MAEA: variants seen among roughly 807,000 people sequenced by gnomAD.
The protein encoded by MAEA is macrophage erythroblast attacher, E3 ubiquitin ligase.
In MAEA, 22 loss-of-function variants were observed where a neutral mutation model predicts 46.2. The ratio of observed to expected loss-of-function variants is 0.48; its 90% CI spans 0.34 to 0.68. The LOEUF is 0.68. Ranked by LOEUF, MAEA falls within the 30% of genes least tolerant of loss-of-function variation. The pLI is 0.01. For synonymous variants in MAEA, 246 were observed against 222.6 expected (o/e 1.11, Z -0.94); for missense variants, 393 against 558.1 (o/e 0.70, Z 2.98).
intron 2 of MAEA, among the ~76,000 whole-genome samples, chr4:1,314,864 C>T (rs1736936280): frequency 6.6e-6 from 1 of 152,208 alleles, no homozygotes; most frequent in Admixed American, 6.5e-5. Flanking sequence ...GTCCAGTAGT[C>T]AGTCGCCGTG....
intron 1 of MAEA, among the ~76,000 whole-genome samples, chr4:1,300,191 C>G (rs1735175492): frequency 2.0e-5 from 3 of 152,186 alleles, no homozygotes; most frequent in Admixed American, 2.0e-4. Context: ...GCATCCTTAG[C>G]AGGCAGCCTG....
Position 1,332,782 on chromosome 4 carries a change from G to C in MAEA, c.682G>C (p.Ala228Pro). Reference protein sequence around the residue: ...VRHARKHFSQAEGSQLDEVRQ... With the variant: ...VRHARKHFSQPEGSQLDEVRQ... Reference sequence around the variant, plus strand: ...ACATGCAAGAAAGCACTTCAGCCAAGCAGAAGGGAGCCAGCTGGACGAGGT... The same window carrying C: ...ACATGCAAGAAAGCACTTCAGCCAACCAGAAGGGAGCCAGCTGGACGAGGT... Residue 228 changes from alanine (A) to proline (P), a missense_variant, in exon 6 of 9, where the codon GCA (alanine) becomes CCA (proline). Physicochemically the swap from Ala to Pro is conservative, Grantham distance 27. Coordinates refer to ENST00000303400, the MANE Select transcript of MAEA (RefSeq NM_001017405.3). The C allele has an allele frequency of 6.2e-7, 1 of 1,613,152 alleles. No individual in the cohort carries two copies. Among genetic ancestry groups the C allele is most frequent in the Non-Finnish European group, 8.5e-7 (1 of 1,179,636 alleles).
In MAEA at chr4:1,339,362, T is replaced by C. The variant is rs1420134147; in HGVS notation, c.*193T>C. 1.7e-6 allele frequency: 1 copy of C among 580,392 alleles called. No homozygotes were observed. Among genetic ancestry groups the C allele is most frequent in the Non-Finnish European group, 3.1e-6 (1 of 327,140 alleles). 36.0% of individuals were successfully genotyped at this position (580,392 alleles called of 1,614,324 possible). A position where few individuals can be genotyped will look rare whatever the true frequency, so the allele number is the denominator to read the frequency against. Reference sequence around the variant, plus strand: ...AAGTTTGTACTTGAAAACATTTGGATTGGTAGGATTTTGTAACACGTCAAC... The same window carrying C: ...AAGTTTGTACTTGAAAACATTTGGACTGGTAGGATTTTGTAACACGTCAAC... On this transcript the variant is annotated 3_prime_UTR_variant, in exon 9 of 9. Coordinates refer to ENST00000303400, the MANE Select transcript of MAEA (RefSeq NM_001017405.3).
intron 5 of MAEA, chr4:1,329,218 G>A (rs967572358): frequency 1.0e-5 from 10 of 985,504 alleles, no homozygotes; most frequent in Non-Finnish European, 9.6e-6. Context: ...CTCCGCATAG[G>A]GTCTATTTGC....
chr4:1,329,536 G>T, intron 5 of MAEA: 1 of 985,182 alleles, frequency 1.0e-6, no homozygotes, highest in Non-Finnish European at 1.2e-6. Context: ...GGGCAGGCAT[G>T]GCAAACAACA....
chr4:1,312,565 GACT>G (rs1471292721), intron 2 of MAEA: 1 of 182,374 alleles, frequency 5.5e-6, no homozygotes, highest in Non-Finnish European at 1.2e-5. Flanking sequence ...GAGTAGCTGG[GACT>G]ACAGGCGCCC....
At chr4:1,334,811 G>A (rs1022028372) in intron 6 of MAEA, 2 of 947,378 alleles carry the variant, frequency 2.1e-6, no homozygotes, top group Non-Finnish European at 2.5e-6. Context: ...ACCAGTCCTG[G>A]GGAGTGAGGA....
chr4:1,292,886 C>CTT (rs34802084), intron 1 of MAEA, among the ~76,000 whole-genome samples: 65,462 of 127,806 alleles, frequency 0.51, 17,318 homozygotes, highest in Non-Finnish European at 0.57. Context: ...AACTCACCAT[C>CTT]TTTTTTTTTT....
chr4:1,309,666 C>G, intron 1 of MAEA: 2 of 1,531,874 alleles, frequency 1.3e-6, no homozygotes, highest in East Asian at 2.4e-5. Context: ...CTGAGAGCCA[C>G]TGGCAGGGAG....
intron 1 of MAEA, among the ~76,000 whole-genome samples, chr4:1,294,703 T>C (rs114327728): frequency 0.16 from 23,217 of 148,976 alleles, 3,428 homozygotes; most frequent in East Asian, 0.42. Context: ...TACGCTCCGG[T>C]GGGAGGGAGG....
At chr4:1,335,006 C>T (rs1221250017) in intron 6 of MAEA, 2 of 985,298 alleles carry the variant, frequency 2.0e-6, no homozygotes, top group East Asian at 1.1e-4. Context: ...CCCCTGATGA[C>T]CACCTCCCCT....
At chr4:1,307,037 C>A (rs1051813371) in intron 1 of MAEA, among the ~76,000 whole-genome samples, 1 of 152,310 alleles carries the variant, frequency 6.6e-6, no homozygotes, top group African/African-American at 2.4e-5. Flanking sequence ...CATTCCTAGA[C>A]CAGTGCTGTA....
intron 1 of MAEA, among the ~76,000 whole-genome samples, chr4:1,291,733 A>G (rs11727167): frequency 0.35 from 53,661 of 152,118 alleles, 11,357 homozygotes; most frequent in Non-Finnish European, 0.48. Context: ...AGGAAGGGAG[A>G]TGGAAGGTCT....
At chr4:1,300,026 A>C (rs1273290968) in intron 1 of MAEA, 1 of 152,214 alleles carries the variant, frequency 6.6e-6, no homozygotes, top group Non-Finnish European at 1.5e-5. Context: ...TAAGAATTGA[A>C]ATAGAAGTAA....
chr4:1,336,854 C>T lies in MAEA; in HGVS notation c.766-7C>T, dbSNP rs1369052967. The T allele has an allele frequency of 6.2e-7, 1 of 1,612,780 alleles. No individual in the cohort carries two copies. Among genetic ancestry groups the T allele is most frequent in the South Asian group, 1.1e-5 (1 of 90,990 alleles). On this transcript the variant is annotated splice_region_variant and splice_polypyrimidine_tract_variant and intron_variant, in intron 6 of 8. Transcript: ENST00000303400. ...ATCCCCAGGACCCTCTGCTCTCTGT[C>T]TTCCAGGACCTTCTGGACCCTGCAC...
chr4:1,309,536 C>T, intron 1 of MAEA: 5 of 1,404,356 alleles, frequency 3.6e-6, no homozygotes, highest in Non-Finnish European at 4.7e-6. Context: ...CTGCGCTCAT[C>T]CCCTGAACTC....
chr4:1,304,108 C>A (rs182997007), intron 1 of MAEA, among the ~76,000 whole-genome samples: 1 of 152,130 alleles, frequency 6.6e-6, no homozygotes, highest in Non-Finnish European at 1.5e-5. Context: ...CCCTGTCAGT[C>A]GTGTGGCTCC....
intron 1 of MAEA, among the ~76,000 whole-genome samples, chr4:1,306,291 A>G (rs1735823734): frequency 6.6e-6 from 1 of 152,124 alleles, no homozygotes. Flanking sequence ...GTCTTCCTGG[A>G]GATTACCTGC....
Position 1,335,118 on chromosome 4 carries a change from T to C in MAEA, c.766-1743T>C, listed in dbSNP as rs138246715. 511 of 985,426 alleles carry C rather than the reference T, an allele frequency of 5.2e-4. 1 individual carries two copies. Among genetic ancestry groups the C allele is most frequent in the Non-Finnish European group, 5.5e-4 (458 of 829,932 alleles). 61.0% of individuals were successfully genotyped at this position (985,426 alleles called of 1,614,324 possible). On this transcript the variant is annotated intron_variant, in intron 6 of 8. Coordinates refer to ENST00000303400, the MANE Select transcript of MAEA (RefSeq NM_001017405.3). ...CTGTGCTCACACACGCTCTCTCTCT[T>C]AAGTCTAAACCTGAGGTTATTTAGG...
Sources: allele counts gnomAD v4.1 joint callset (sites outside exome capture counted in the v4.1 genomes callset), GRCh38; gene constraint gnomAD v4.1.1; transcripts MANE v1.5; gene names NCBI Gene and HGNC (gene_info 2026-07-23, HGNC 2026-07-21).